Variants in KLRG1 observed in about 807,000 individuals in gnomAD.
KLRG1 encodes killer cell lectin like receptor G1.
In KLRG1, 16 loss-of-function variants were observed where a neutral mutation model predicts 21.8. The observed-to-expected ratio is 0.73, with a 90% CI of 0.50 to 1.11. The LOEUF (loss-of-function observed/expected upper bound fraction) is 1.11. Ranked by LOEUF, KLRG1 falls within the 50% of genes most tolerant of loss-of-function variation. The pLI is 0.00. For synonymous variants in KLRG1, 69 were observed against 75.9 expected (o/e 0.91, Z 0.47); for missense variants, 173 against 218.3 (o/e 0.79, Z 1.31).
the KLRG1 span, among the ~76,000 whole-genome samples, chr12:9,131,375 T>G: frequency 6.6e-6 from 1 of 152,228 alleles, no homozygotes; most frequent in East Asian, 1.9e-4. Flanking sequence ...TGGGGACAGC[T>G]TTCCATGTTA....
chr12:9,205,154 T>G, the KLRG1 span, among the ~76,000 whole-genome samples: 3 of 152,220 alleles, frequency 2.0e-5, no homozygotes, highest in African/African-American at 7.2e-5. Flanking sequence ...AAAAGTCTTT[T>G]CTTTTTTATT....
At chr12:9,003,211 C>T (rs934647435) in intron 3 of KLRG1, among the ~76,000 whole-genome samples, 1 of 152,060 alleles carries the variant, frequency 6.6e-6, no homozygotes, top group Non-Finnish European at 1.5e-5. Context: ...CTGAGCAAAT[C>T]TTTATCAATT....
At chr12:9,160,997 T>C in the KLRG1 span, 1 of 1,490,966 alleles carries the variant, frequency 6.7e-7, no homozygotes, top group Admixed American at 1.7e-5. Context: ...GTGGCAACTC[T>C]TTTGGCCCAG....
intron 4 of KLRG1, 102 bp downstream of exon 4, chr12:9,009,177 G>T: frequency 1.1e-6 from 1 of 951,402 alleles, no homozygotes; most frequent in Non-Finnish European, 1.6e-6. Flanking sequence ...GGAGAGGAGA[G>T]GAAAGAATGA....
At chr12:9,141,190 C>T in the KLRG1 span, among the ~76,000 whole-genome samples, 5 of 152,062 alleles carry the variant, frequency 3.3e-5, no homozygotes, top group African/African-American at 4.8e-5. Context: ...TAAGATATAT[C>T]AGAAATATAG....
the KLRG1 span, among the ~76,000 whole-genome samples, chr12:9,034,894 G>C: frequency 6.6e-5 from 10 of 152,198 alleles, no homozygotes; most frequent in African/African-American, 2.4e-4. Context: ...CTTCATGCGT[G>C]TTACTGCCCC....
chr12:9,042,604 G>A, the KLRG1 span, among the ~76,000 whole-genome samples: 1 of 152,186 alleles, frequency 6.6e-6, no homozygotes, highest in African/African-American at 2.4e-5. Context: ...AAGGTAGAGA[G>A]GGACCTGTCT....
the KLRG1 span, chr12:9,203,875 T>A: frequency 6.2e-7 from 1 of 1,614,096 alleles, no homozygotes; most frequent in Non-Finnish European, 8.5e-7. Context: ...ACTGTCTCAT[T>A]CAGGTGGCTC....
the KLRG1 span, chr12:9,164,001 T>G: frequency 7.6e-7 from 1 of 1,315,944 alleles, no homozygotes; most frequent in Non-Finnish European, 1.0e-6. Flanking sequence ...TCATAGTGGA[T>G]AGAAATAGGA....
intron 1 of KLRG1, among the ~76,000 whole-genome samples, chr12:8,967,888 T>C (rs1319767797): frequency 6.6e-6 from 1 of 151,008 alleles, no homozygotes; most frequent in Non-Finnish European, 1.5e-5. Flanking sequence ...AGAATGTGAC[T>C]AAAGATGTGC....
At chr12:9,046,537 C>G in the KLRG1 span, among the ~76,000 whole-genome samples, 1 of 152,012 alleles carries the variant, frequency 6.6e-6, no homozygotes, top group African/African-American at 2.4e-5. Flanking sequence ...TTACAGAGAG[C>G]AAAGGATGAG....
chr12:9,010,351 G>A lies in KLRG1; in HGVS notation c.*814G>A, dbSNP rs1947608068. ...CATATATGTGGTTGAATGAACCAAT[G>A]TGTGATTGTATCTTTTCCATTATGT... On this transcript the variant is annotated 3_prime_UTR_variant, in exon 5 of 5. Coordinates refer to ENST00000356986, the MANE Select transcript of KLRG1 (RefSeq NM_005810.4). The A allele has an allele frequency of 4.6e-6, 1 of 218,396 alleles. No homozygotes were observed. The highest frequency in any genetic ancestry group is 2.3e-5 in the African/African-American group (1 of 43,814). 13.5% of individuals were successfully genotyped at this position (218,396 alleles called of 1,614,324 possible).
At chr12:8,965,274 C>T (rs1946449126) in intron 1 of KLRG1, among the ~76,000 whole-genome samples, 1 of 152,172 alleles carries the variant, frequency 6.6e-6, no homozygotes, top group Non-Finnish European at 1.5e-5. Context: ...TGAAAATGGG[C>T]ACAAGACAGG....
chr12:9,108,457 C>T, the KLRG1 span, among the ~76,000 whole-genome samples: 139 of 152,274 alleles, frequency 9.1e-4, 1 homozygote, highest in African/African-American at 3.1e-3. Context: ...GGGATTGTGT[C>T]GTAAATATGT....
At chr12:9,158,971 G>C in the KLRG1 span, among the ~76,000 whole-genome samples, 1 of 151,864 alleles carries the variant, frequency 6.6e-6, no homozygotes, top group Admixed American at 6.6e-5. Context: ...ACTCTAATCA[G>C]CTAACTTCTA....
the KLRG1 span, among the ~76,000 whole-genome samples, chr12:9,070,946 G>T: frequency 6.6e-6 from 1 of 151,942 alleles, no homozygotes; most frequent in Admixed American, 6.6e-5. Context: ...TCAGCCTCCC[G>T]AGTAGCTGGG....
chr12:9,117,207 A>T, the KLRG1 span, among the ~76,000 whole-genome samples: 1 of 152,170 alleles, frequency 6.6e-6, no homozygotes. Context: ...TGATACTTCA[A>T]ATCAGAAAGG....
intron 1 of KLRG1, among the ~76,000 whole-genome samples, chr12:8,954,613 T>C (rs1266319577): frequency 6.6e-6 from 1 of 152,110 alleles, no homozygotes; most frequent in Non-Finnish European, 1.5e-5. Flanking sequence ...GTTCTTTTAG[T>C]GGAAAATGGT....
the KLRG1 span, among the ~76,000 whole-genome samples, chr12:9,082,023 C>T: frequency 6.6e-6 from 1 of 152,196 alleles, no homozygotes; most frequent in Non-Finnish European, 1.5e-5. Flanking sequence ...GTAAGCCCAG[C>T]TTCAGAGGTT....
Sources: gnomAD v4.1 joint callset for allele counts (sites outside exome capture counted in the v4.1 genomes callset) on GRCh38, gnomAD v4.1.1 for gene constraint, MANE v1.5 for transcripts, NCBI Gene and HGNC (gene_info 2026-07-23, HGNC 2026-07-21) for gene names.